The following DLGAP1 variants were observed in gnomAD, a reference collection of about 807,000 sequenced individuals.
DLGAP1 encodes the protein disks large-associated protein 1.
Under a neutral mutation model 90.8 loss-of-function variants are expected in DLGAP1, and 11 were observed. The observed-to-expected ratio is 0.12, with a 90% confidence interval of 0.08 to 0.20. DLGAP1 has a LOEUF of 0.20. Among genes scored for constraint, DLGAP1 ranks in the 10% least tolerant of loss-of-function variants. The pLI is 1.00. For missense variants in DLGAP1, 1,050 were observed against 1,333.8 expected (o/e 0.79, Z 3.31); for synonymous variants, 558 against 540.7 (o/e 1.03, Z -0.44).
At chr18:4,437,972 A>C (rs1337854042) in intron 1 of DLGAP1, among the ~76,000 whole-genome samples, 1 of 152,198 alleles carries the variant, frequency 6.6e-6, no homozygotes, top group Non-Finnish European at 1.5e-5. Context: ...TTGTCCACTT[A>C]ATATAGTTGG....
chr18:4,047,616 T>C (rs1181028619), intron 2 of DLGAP1, among the ~76,000 whole-genome samples: 6 of 152,178 alleles, frequency 3.9e-5, no homozygotes, highest in Non-Finnish European at 5.9e-5. Context: ...AATGCCTCAG[T>C]TGTTACTTTT....
intron 2 of DLGAP1, among the ~76,000 whole-genome samples, chr18:4,036,928 AAT>A (rs1398338318): frequency 6.6e-6 from 1 of 152,256 alleles, no homozygotes; most frequent in Non-Finnish European, 1.5e-5. Context: ...ACAGTTTCTT[AAT>A]ATGAGTGAAT....
intron 1 of DLGAP1, among the ~76,000 whole-genome samples, chr18:4,347,368 C>T (rs1294446685): frequency 1.3e-5 from 2 of 151,982 alleles, no homozygotes; most frequent in East Asian, 1.9e-4. Context: ...AACGTTGATA[C>T]CTAAACCTAA....
intron 1 of DLGAP1, among the ~76,000 whole-genome samples, chr18:4,172,417 A>T (rs2144595368): frequency 6.6e-6 from 1 of 152,278 alleles, no homozygotes; most frequent in African/African-American, 2.4e-5. Flanking sequence ...CAACTTTCTA[A>T]ATATATCACC....
intron 1 of DLGAP1, among the ~76,000 whole-genome samples, chr18:4,309,092 T>C (rs775816940): frequency 2.0e-5 from 3 of 152,158 alleles, no homozygotes; most frequent in Non-Finnish European, 4.4e-5. Flanking sequence ...TCGGGTAAGA[T>C]GTAGGTAGGT....
intron 7 of DLGAP1, among the ~76,000 whole-genome samples, chr18:3,588,362 G>A (rs531844825): frequency 6.6e-6 from 1 of 152,272 alleles, no homozygotes; most frequent in Non-Finnish European, 1.5e-5. Flanking sequence ...GGGAGGCTGA[G>A]GCAGGAGAAT....
chr18:3,555,581 C>T (rs57376423), intron 9 of DLGAP1, among the ~76,000 whole-genome samples: 13,907 of 152,078 alleles, frequency 0.091, 851 homozygotes, highest in African/African-American at 0.18. Context: ...GAGGCCGAGG[C>T]GGGCGGATCA....
chr18:3,705,955 G>A (rs1362652986), intron 7 of DLGAP1, among the ~76,000 whole-genome samples: 1 of 147,784 alleles, frequency 6.8e-6, no homozygotes, highest in Non-Finnish European at 1.5e-5. Context: ...CACCGCGCTC[G>A]GCCCCCAGTA....
chr18:3,670,629 C>T (rs2060054852), intron 7 of DLGAP1, among the ~76,000 whole-genome samples: 1 of 152,110 alleles, frequency 6.6e-6, no homozygotes, highest in Non-Finnish European at 1.5e-5. Context: ...AGTGAAAATT[C>T]AAGGGTTTGT....
chr18:3,651,696 A>G (rs7407589), intron 7 of DLGAP1, among the ~76,000 whole-genome samples: 52,843 of 150,260 alleles, frequency 0.35, 11,235 homozygotes, highest in African/African-American at 0.61. Context: ...TGGGAGGCCG[A>G]GTGCAGTGGC....
chr18:4,199,754 C>A (rs984216419), intron 1 of DLGAP1, among the ~76,000 whole-genome samples: 3 of 152,146 alleles, frequency 2.0e-5, no homozygotes, highest in Non-Finnish European at 4.4e-5. Context: ...TTGCTTAATT[C>A]TTAGAGGCAG....
At chr18:3,550,883 AGG>A in intron 9 of DLGAP1, among the ~76,000 whole-genome samples, 1 of 151,950 alleles carries the variant, frequency 6.6e-6, no homozygotes, top group Admixed American at 6.5e-5. Flanking sequence ...CTAGGATTAC[AGG>A]GGCCCACCAC....
At chr18:4,004,830 T>C (rs1205702178) in intron 3 of DLGAP1, among the ~76,000 whole-genome samples, 2 of 152,240 alleles carry the variant, frequency 1.3e-5, no homozygotes, top group South Asian at 2.1e-4. Context: ...ATTGACATTT[T>C]CGGCACAGGC....
chr18:4,014,312 T>C (rs929504608), intron 2 of DLGAP1, among the ~76,000 whole-genome samples: 10 of 152,124 alleles, frequency 6.6e-5, no homozygotes, highest in Admixed American at 6.5e-4. Context: ...CTCGATCTCT[T>C]GACCTTGTGA....
At chr18:4,207,115 G>C (rs982543697) in intron 1 of DLGAP1, among the ~76,000 whole-genome samples, 3 of 152,092 alleles carry the variant, frequency 2.0e-5, no homozygotes, top group Non-Finnish European at 4.4e-5. Context: ...GTATTAGTCT[G>C]TTCTCACGCT....
rs2056855561 is a variant in DLGAP1 at position 3,600,709 on chromosome 18, T to TATATAC, written c.1592-18462_1592-18461insGTATAT. Reference sequence around the variant, plus strand: ...AGAGATCTATATAGATATCTATAGCTATATAGATATAGAGATATAGATATA... The same window carrying TATATAC: ...AGAGATCTATATAGATATCTATAGCTATATACATATAGATATAGAGATATAGATATA... On this transcript the variant is annotated intron_variant, in intron 7 of 12. Coordinates refer to ENST00000315677, the MANE Select transcript of DLGAP1 (RefSeq NM_004746.4). Among the ~76,000 whole-genome samples, 4 of 97,880 alleles carry TATATAC rather than the reference T, an allele frequency of 4.1e-5. 2 individuals are homozygous for TATATAC. Among genetic ancestry groups the TATATAC allele is most frequent in the Non-Finnish European group, 7.8e-5 (4 of 51,092 alleles). The allele number at this position is 97,880 out of a possible 152,430, so 64.2% of individuals were successfully genotyped here.
chr18:3,989,692 A>G (rs2073921395), intron 3 of DLGAP1, among the ~76,000 whole-genome samples: 1 of 152,234 alleles, frequency 6.6e-6, no homozygotes, highest in Non-Finnish European at 1.5e-5. Context: ...CAGAGTGAAC[A>G]GGCAACCTAC....
intron 10 of DLGAP1, among the ~76,000 whole-genome samples, chr18:3,512,897 AC>A (rs2050625299): frequency 6.6e-6 from 1 of 152,146 alleles, no homozygotes; most frequent in South Asian, 2.1e-4. Context: ...CATGAAATCT[AC>A]CCTCTTAACA....
intron 2 of DLGAP1, among the ~76,000 whole-genome samples, chr18:4,149,860 A>T (rs1412308249): frequency 1.3e-5 from 2 of 152,084 alleles, no homozygotes; most frequent in East Asian, 3.9e-4. Context: ...ACTGCCTTAC[A>T]GTGTACACCT....
Sources: gnomAD v4.1 joint callset for allele counts (sites outside exome capture counted in the v4.1 genomes callset) on GRCh38, gnomAD v4.1.1 for gene constraint, MANE v1.5 for transcripts, NCBI Gene and HGNC (gene_info 2026-07-23, HGNC 2026-07-21) for gene names.